Variants in PCDH7 observed in about 807,000 individuals in gnomAD.
PCDH7 encodes protocadherin 7.
A neutral mutation model predicts 58.9 loss-of-function variants in PCDH7; 17 were observed. The ratio of observed to expected loss-of-function variants is 0.29; its 90% CI spans 0.20 to 0.43. The LOEUF is 0.43. Among genes scored for constraint, PCDH7 ranks in the 20% least tolerant of loss-of-function variants. The pLI is 1.00. For synonymous variants in PCDH7, 664 were observed against 616.4 expected (o/e 1.08, Z -1.14); for missense variants, 1,274 against 1,441.0 (o/e 0.88, Z 1.88).
At chr4:31,039,375 GTGT>G (rs1560595522) in intron 3 of PCDH7, among the ~76,000 whole-genome samples, 1 of 152,152 alleles carries the variant, frequency 6.6e-6, no homozygotes, top group Non-Finnish European at 1.5e-5. Context: ...ACAGTTTATA[GTGT>G]TGTTGTTTTG....
chr4:31,117,033 T>C (rs958882543), intron 3 of PCDH7, among the ~76,000 whole-genome samples: 2 of 152,092 alleles, frequency 1.3e-5, no homozygotes, highest in Non-Finnish European at 2.9e-5. Context: ...GTATTTTTAG[T>C]ATTTTGTATT....
intron 3 of PCDH7, among the ~76,000 whole-genome samples, chr4:30,953,914 G>A (rs1396698038): frequency 1.3e-5 from 2 of 151,962 alleles, no homozygotes; most frequent in Non-Finnish European, 2.9e-5. Context: ...TTTTTTCATT[G>A]CAAGTAATTG....
intron 1 of PCDH7, among the ~76,000 whole-genome samples, chr4:30,822,526 G>T (rs548476848): frequency 1.6e-4 from 24 of 152,186 alleles, no homozygotes; most frequent in African/African-American, 5.8e-4. Context: ...GCCTTAAATA[G>T]CTACTTTACA....
At chr4:30,725,876 A>T (rs1220037732) in intron 1 of PCDH7, among the ~76,000 whole-genome samples, 1 of 152,152 alleles carries the variant, frequency 6.6e-6, no homozygotes. Flanking sequence ...AGTATTTTAA[A>T]TAAATATTTT....
At chr4:31,065,943 GGA>G (rs1287021821) in intron 3 of PCDH7, among the ~76,000 whole-genome samples, 1 of 151,874 alleles carries the variant, frequency 6.6e-6, no homozygotes, top group African/African-American at 2.4e-5. Context: ...GGTGACATCA[GGA>G]GATACATAAT....
intron 1 of PCDH7, among the ~76,000 whole-genome samples, chr4:30,845,111 G>T (rs1363414072): frequency 6.6e-6 from 1 of 152,134 alleles, no homozygotes; most frequent in Admixed American, 6.6e-5. Flanking sequence ...TTCCTTTGGA[G>T]CAGTAATGGT....
intron 3 of PCDH7, among the ~76,000 whole-genome samples, chr4:30,990,835 C>T (rs970006880): frequency 2.0e-5 from 3 of 152,114 alleles, no homozygotes; most frequent in African/African-American, 7.2e-5. Context: ...CTCAACTTCC[C>T]ATTTTTAAAA....
chr4:31,032,539 T>C (rs1478678402), intron 3 of PCDH7, among the ~76,000 whole-genome samples: 1 of 142,046 alleles, frequency 7.0e-6, no homozygotes, highest in Admixed American at 7.2e-5. Flanking sequence ...ATCCAGGAGG[T>C]GGAGGTTTCA....
At chr4:30,977,447 C>T (rs1018058221) in intron 3 of PCDH7, among the ~76,000 whole-genome samples, 1 of 152,148 alleles carries the variant, frequency 6.6e-6, no homozygotes, top group Non-Finnish European at 1.5e-5. Context: ...CGAGACCAAC[C>T]TCAGTCATCA....
At chr4:31,063,286 C>T (rs1757833750) in intron 3 of PCDH7, among the ~76,000 whole-genome samples, 1 of 151,816 alleles carries the variant, frequency 6.6e-6, no homozygotes, top group Non-Finnish European at 1.5e-5. Flanking sequence ...GATAACATAA[C>T]TTTAATACAT....
intron 1 of PCDH7, among the ~76,000 whole-genome samples, chr4:30,910,272 A>G (rs923159555): frequency 4.4e-4 from 67 of 152,300 alleles, no homozygotes; most frequent in African/African-American, 1.4e-3. Flanking sequence ...ATGGGCAAAG[A>G]CTTCATGACT....
chr4:30,959,836 G>C (rs1158190326), intron 3 of PCDH7, among the ~76,000 whole-genome samples: 1 of 151,886 alleles, frequency 6.6e-6, no homozygotes, highest in Non-Finnish European at 1.5e-5. Context: ...CTTCCACTTT[G>C]AATTAATAAT....
intron 3 of PCDH7, among the ~76,000 whole-genome samples, chr4:31,092,871 G>A (rs1403579307): frequency 1.3e-5 from 2 of 152,052 alleles, no homozygotes; most frequent in Admixed American, 6.6e-5. Flanking sequence ...ATGGAAATGT[G>A]TGGGAGCAAT....
At chr4:30,855,851 A>T (rs957367635) in intron 1 of PCDH7, among the ~76,000 whole-genome samples, 6 of 152,130 alleles carry the variant, frequency 3.9e-5, no homozygotes, top group African/African-American at 1.2e-4. Flanking sequence ...CTATCAAGTC[A>T]TTGGGGAGAT....
At chr4:30,776,783 T>G (rs920905073) in intron 1 of PCDH7, among the ~76,000 whole-genome samples, 1 of 152,054 alleles carries the variant, frequency 6.6e-6, no homozygotes, top group Non-Finnish European at 1.5e-5. Flanking sequence ...ACCTACAGGC[T>G]TAACACCATT....
intron 1 of PCDH7, among the ~76,000 whole-genome samples, chr4:30,897,413 A>G (rs778050422): frequency 6.6e-6 from 1 of 152,186 alleles, no homozygotes; most frequent in Non-Finnish European, 1.5e-5. Flanking sequence ...CATTCATGCC[A>G]AAGTGTTTGT....
chr4:30,908,243 T>TAG (rs1553912067), intron 1 of PCDH7, among the ~76,000 whole-genome samples: 2 of 140,972 alleles, frequency 1.4e-5, no homozygotes, highest in Admixed American at 7.1e-5. Flanking sequence ...TAAAGAATAA[T>TAG]AAAAAAAAAA....
At chr4:31,139,387 C>T (rs1343033782) in intron 3 of PCDH7, among the ~76,000 whole-genome samples, 1 of 152,130 alleles carries the variant, frequency 6.6e-6, no homozygotes, top group Admixed American at 6.6e-5. Context: ...TTTAAAACAA[C>T]AGTACTAAAG....
chr4:30,818,696 T>C (rs1179293406), intron 1 of PCDH7, among the ~76,000 whole-genome samples: 1 of 152,164 alleles, frequency 6.6e-6, no homozygotes, highest in Non-Finnish European at 1.5e-5. Flanking sequence ...TTTTCCAATA[T>C]ATGCAGCTTA....
Sources: gnomAD v4.1 joint callset for allele counts (sites outside exome capture counted in the v4.1 genomes callset) on GRCh38, gnomAD v4.1.1 for gene constraint, MANE v1.5 for transcripts, NCBI Gene and HGNC (gene_info 2026-07-23, HGNC 2026-07-21) for gene names.